The following GSTK1 variants were observed in gnomAD, a reference collection of about 807,000 sequenced individuals.
GSTK1 encodes glutathione S-transferase kappa 1.
GSTK1 carries 25 observed loss-of-function variants against 30.9 expected under a neutral mutation model. The observed-to-expected ratio is 0.81, with a 90% confidence interval of 0.59 to 1.13. The LOEUF is 1.13. GSTK1 is among the 50% of genes most tolerant of loss of function. GSTK1 has a pLI of 0.00. For missense variants in GSTK1, 292 were observed against 292.4 expected (o/e 1.00, Z 0.01); for synonymous variants, 108 against 112.5 (o/e 0.96, Z 0.25).
In GSTK1 at chr7:143,268,586, G is replaced by A. The variant is rs546195474; in HGVS notation, c.632-202G>A. Among the ~76,000 whole-genome samples the A allele has an allele frequency of 1.3e-5, 2 of 152,324 alleles. No individual in the cohort carries two copies. Among genetic ancestry groups the A allele is most frequent in the East Asian group, 3.9e-4 (2 of 5,182 alleles). On this transcript the variant is annotated intron_variant, in intron 7 of 7. Coordinates refer to ENST00000358406, the MANE Select transcript of GSTK1 (RefSeq NM_015917.3). This position sits in a 1 kb window ranked among gnomAD's most constrained non-coding sequence, Gnocchi z 4.1. ...CAAAAAAATATTCTTGGCACTTCCA[G>A]TAACAAAGCGTTATGCAGTCAGTGC... is the stretch of plus-strand genomic sequence containing the variant.
chr7:143,263,695 G>C, intron 1 of GSTK1, 110 bp downstream of exon 1: 1 of 1,011,248 alleles, frequency 9.9e-7, no homozygotes, highest in Non-Finnish European at 1.5e-6. Flanking sequence ...CGCCGCCCAA[G>C]GGGTTAAGGC....
chr7:143,263,446 C>A lies in GSTK1; in HGVS notation c.-68C>A. 1 of 1,442,350 alleles carries A rather than the reference C, an allele frequency of 6.9e-7. No individual in the cohort carries two copies. The highest frequency in any genetic ancestry group is 9.7e-7 in the Non-Finnish European group (1 of 1,033,046). 89.3% of individuals were successfully genotyped at this position (1,442,350 alleles called of 1,614,324 possible). On this transcript the variant is annotated 5_prime_UTR_variant, in exon 1 of 8. The change creates a new upstream start codon in the 5' untranslated region. Coordinates refer to ENST00000358406, the MANE Select transcript of GSTK1 (RefSeq NM_015917.3). The stretch of plus-strand genomic sequence containing the variant: ...GGGCGGTCCCAGGCAGGCCCAGAAG[C>A]TGGGCAGCCTCTGCCGGGTTCCGGG...
chr7:143,264,934 GTCC>G, intron 3 of GSTK1, 55 bp from the exon 4 acceptor site: 3 of 1,556,846 alleles, frequency 1.9e-6, no homozygotes, highest in Non-Finnish European at 2.6e-6. Context: ...GGAAGAGCTA[GTCC>G]TCCACCAGGA....
At chr7:143,265,376 G>T (rs1800846419) in intron 5 of GSTK1, 80 bp downstream of exon 5, 2 of 1,214,958 alleles carry the variant, frequency 1.6e-6, no homozygotes, top group South Asian at 3.1e-5. Flanking sequence ...GAAGACAATA[G>T]GTCTCTTATT....
intron 3 of GSTK1, 73 bp downstream of exon 3, chr7:143,264,749 T>G: frequency 1.9e-6 from 3 of 1,579,996 alleles, no homozygotes; most frequent in Non-Finnish European, 2.6e-6. Context: ...ATTGATAGGA[T>G]GGAGGGGCTG....
In GSTK1 at chr7:143,263,453, G is replaced by T; in HGVS notation, c.-61G>T. 3 of 1,495,448 alleles carry T rather than the reference G, an allele frequency of 2.0e-6. No individual in the cohort carries two copies. Among genetic ancestry groups the T allele is most frequent in the South Asian group, 1.1e-5 (1 of 88,800 alleles). The allele number at this position is 1,495,448 out of a possible 1,614,324, so 92.6% of individuals were successfully genotyped here. ...CCCAGGCAGGCCCAGAAGCTGGGCA[G>T]CCTCTGCCGGGTTCCGGGAAAAGGA... On this transcript the variant is annotated 5_prime_UTR_variant, in exon 1 of 8. Coordinates refer to ENST00000358406, the MANE Select transcript of GSTK1 (RefSeq NM_015917.3).
intron 3 of GSTK1, 24 bp from the exon 4 acceptor site, chr7:143,264,968 C>T: frequency 3.7e-6 from 6 of 1,610,486 alleles, no homozygotes; most frequent in Middle Eastern, 1.8e-4. Context: ...AGGAGCCCTG[C>T]CTCTGGGTGC....
chr7:143,264,331 C>T (rs889275321), intron 2 of GSTK1, 164 bp downstream of exon 2: 6 of 763,768 alleles, frequency 7.9e-6, no homozygotes, highest in Admixed American at 4.9e-5. Flanking sequence ...TATACCACAG[C>T]TACTCGGGAG....
At chr7:143,264,829 C>T (rs1586424367) in intron 3 of GSTK1, 153 bp downstream of exon 3, 3 of 1,300,266 alleles carry the variant, frequency 2.3e-6, no homozygotes, top group Admixed American at 1.9e-5. Context: ...CTGAAGGTTG[C>T]CGGGCATGAA....
chr7:143,264,943 C>T, intron 3 of GSTK1, 49 bp from the exon 4 acceptor site: 1 of 1,583,582 alleles, frequency 6.3e-7, no homozygotes, highest in South Asian at 1.1e-5. Context: ...AGTCCTCCAC[C>T]AGGAAAGCAG....
chr7:143,264,830 C>G (rs999821227), intron 3 of GSTK1, 154 bp downstream of exon 3: 6 of 1,301,156 alleles, frequency 4.6e-6, no homozygotes, highest in Non-Finnish European at 5.4e-6. Context: ...TGAAGGTTGC[C>G]GGGCATGAAA....
rs532844344 is a variant in GSTK1 at position 143,266,009 on chromosome 7, A to C, written c.420+713A>C. Among the ~76,000 whole-genome samples, 8 of 148,568 alleles carry C rather than the reference A, an allele frequency of 5.4e-5. No homozygotes were observed. The South Asian group carries it at 1.7e-3, about 32-fold the overall frequency. ...TAGCTTGCTTTTTTACTTCATATTT[A>C]ATCATTTTCCATGCTTTTTTTTTTT... On this transcript the variant is annotated intron_variant, in intron 5 of 7. Transcript: ENST00000358406.
intron 4 of GSTK1, 82 bp from the exon 5 acceptor site, chr7:143,265,179 G>T (rs1431836973): frequency 6.2e-7 from 1 of 1,607,952 alleles, no homozygotes; most frequent in Non-Finnish European, 8.5e-7. Flanking sequence ...TCATGATCCT[G>T]CCCCCGCCCG....
At chr7:143,266,266 A>T (rs1340033272) in intron 5 of GSTK1, among the ~76,000 whole-genome samples, 1 of 151,928 alleles carries the variant, frequency 6.6e-6, no homozygotes, top group Non-Finnish European at 1.5e-5. Context: ...CCTGTGCTCA[A>T]GAGATCTGTC....
chr7:143,266,000 T>A (rs184311580), intron 5 of GSTK1, among the ~76,000 whole-genome samples: 2 of 151,612 alleles, frequency 1.3e-5, no homozygotes, highest in Non-Finnish European at 2.9e-5. Context: ...GCTTTTTTAC[T>A]TCATATTTAA....
At position 143,265,097 on chromosome 7, in the gene GSTK1, G is replaced by A. The variant is rs1410050423; in HGVS notation, c.384+5G>A. On this transcript the variant is annotated splice_donor_5th_base_variant and intron_variant, in intron 4 of 7. Transcript: ENST00000358406. ...TGGATGCGCGTCTGGTCAAGGGTGAGTGTGGGGCTCTGGGAATCCTCTGGG... is the reference window on the plus strand; with the variant it reads ...TGGATGCGCGTCTGGTCAAGGGTGAATGTGGGGCTCTGGGAATCCTCTGGG... 6.2e-7 allele frequency: 1 copy of A among 1,614,160 alleles called. No homozygotes were observed. The highest frequency in any genetic ancestry group is 8.5e-7 in the Non-Finnish European group (1 of 1,180,038).
intron 3 of GSTK1, 118 bp from the exon 4 acceptor site, chr7:143,264,874 C>T (rs1002198839): frequency 1.5e-6 from 2 of 1,290,382 alleles, no homozygotes; most frequent in African/African-American, 1.5e-5. Flanking sequence ...TCATGGGAAC[C>T]TTGGGTGAGA....
Position 143,268,355 on chromosome 7 carries a change from CA to C in GSTK1, c.631+172del, listed in dbSNP as rs1273728814. Among the ~76,000 whole-genome samples the C allele has an allele frequency of 6.6e-6, 1 of 152,090 alleles. No individual in the cohort carries two copies. The highest frequency in any genetic ancestry group is 1.5e-5 in the Non-Finnish European group (1 of 68,012). Reference sequence around the variant, plus strand: ...AAAATATAAAAATTAGCTGGGACTACAGCTGCCTCAGTGGGAGGCTGAGGCA... The same window carrying C: ...AAAATATAAAAATTAGCTGGGACTACGCTGCCTCAGTGGGAGGCTGAGGCA... On this transcript the variant is annotated intron_variant, in intron 7 of 7. Transcript: ENST00000358406. This position sits in a 1 kb window ranked among gnomAD's most constrained non-coding sequence, Gnocchi z 4.1.
In GSTK1 at chr7:143,268,056, T is replaced by A; in HGVS notation, c.538-35T>A. The A allele has an allele frequency of 1.3e-6, 2 of 1,531,346 alleles. No individual in the cohort carries two copies. The highest frequency in any genetic ancestry group is 1.8e-6 in the Non-Finnish European group (2 of 1,110,896). 94.9% of individuals were successfully genotyped at this position (1,531,346 alleles called of 1,614,324 possible). ...AACCCCTGCCTAATACCTGCTCCTT[T>A]GCCTTCCTCCTTGCATTGTAACTGC... On this transcript the variant is annotated intron_variant, in intron 6 of 7. Transcript: ENST00000358406. This position sits in a 1 kb window ranked among gnomAD's most constrained non-coding sequence, Gnocchi z 4.1.
Sources: allele counts gnomAD v4.1 joint callset (sites outside exome capture counted in the v4.1 genomes callset), GRCh38; gene constraint gnomAD v4.1.1; non-coding constraint Gnocchi (gnomAD v3.1); transcripts MANE v1.5; gene names NCBI Gene and HGNC (gene_info 2026-07-23, HGNC 2026-07-21).